CBX3: variants seen among roughly 807,000 people sequenced by gnomAD.
CBX3 encodes chromobox 3.
In CBX3, 5 loss-of-function variants were observed where a neutral mutation model predicts 22.6. That is an observed-to-expected ratio of 0.22 (90% CI 0.12 to 0.47). CBX3 has a LOEUF of 0.47. CBX3 is among the 20% of genes least tolerant of loss of function. The pLI is 0.99. For synonymous variants in CBX3, 50 were observed against 66.6 expected (o/e 0.75, Z 1.21); for missense variants, 83 against 208.1 (o/e 0.40, Z 3.70).
rs935964334 is a variant in CBX3 at position 26,212,638 on chromosome 7, T to A, written c.*430T>A. 6.6e-6 allele frequency: 1 copy of A among 152,236 alleles called. No individual in the cohort carries two copies. Among genetic ancestry groups the A allele is most frequent in the Non-Finnish European group, 1.5e-5 (1 of 68,048 alleles). The allele number at this position is 152,236 out of a possible 1,614,324, so 9.4% of individuals were successfully genotyped here. ...TATCCATAAAATGCATATGTAAATTTTTTTTTGTTTTTAAGCATTCACCCA... is the reference window on the plus strand; with the variant it reads ...TATCCATAAAATGCATATGTAAATTATTTTTTGTTTTTAAGCATTCACCCA... On this transcript the variant is annotated 3_prime_UTR_variant, in exon 6 of 6. Coordinates refer to ENST00000396386, the MANE Select transcript of CBX3 (RefSeq NM_016587.4).
Position 26,213,160 on chromosome 7 carries a change from C to T in CBX3, c.*952C>T, listed in dbSNP as rs1307643724. The T allele has an allele frequency of 6.5e-6, 1 of 152,690 alleles. No individual in the cohort carries two copies. The highest frequency in any genetic ancestry group is 1.5e-5 in the Non-Finnish European group (1 of 68,060). 9.5% of individuals were successfully genotyped at this position (152,690 alleles called of 1,614,324 possible). On this transcript the variant is annotated 3_prime_UTR_variant, in exon 6 of 6. Coordinates refer to ENST00000396386, the MANE Select transcript of CBX3 (RefSeq NM_016587.4). ...GTGTGAACAACCTTTTGTAACCTAACCTATTGACCTGCATGTTTTTTCTTT... is the reference window on the plus strand; with the variant it reads ...GTGTGAACAACCTTTTGTAACCTAATCTATTGACCTGCATGTTTTTTCTTT...
chr7:26,209,033 A>G (rs549026572), intron 4 of CBX3, among the ~76,000 whole-genome samples: 14 of 139,716 alleles, frequency 1.0e-4, no homozygotes, highest in African/African-American at 3.8e-4. Context: ...CCGCCTCCAG[A>G]GTAGCTGGGA....
At chr7:26,212,010 C>A in intron 5 of CBX3, 72 bp from the exon 6 acceptor site, 1 of 1,348,758 alleles carries the variant, frequency 7.4e-7, no homozygotes. Flanking sequence ...ACTATTATTT[C>A]TTAAATGAAT....
intron 2 of CBX3, 129 bp downstream of exon 2, chr7:26,203,151 CAG>C (rs1224087921): frequency 2.2e-5 from 16 of 711,824 alleles, no homozygotes; most frequent in Middle Eastern, 4.0e-4. Flanking sequence ...GTGTAAATTA[CAG>C]GGGAAAATTA....
rs139015469 is a variant in CBX3 at position 26,203,569 on chromosome 7, G to A, written c.24+547G>A. ...GTTTTGTTTTTTAAACAAAATGATC[G>A]AAATCGCAAATATGAGCCAGAAGGG... On this transcript the variant is annotated intron_variant, in intron 2 of 5. Coordinates refer to ENST00000396386, the MANE Select transcript of CBX3 (RefSeq NM_016587.4). Among the ~76,000 whole-genome samples the A allele has an allele frequency of 2.9e-3, 438 of 151,994 alleles. 5 individuals carry two copies. The highest frequency in any genetic ancestry group is 0.01 in the African/African-American group (427 of 41,466).
intron 5 of CBX3, 143 bp downstream of exon 5, chr7:26,211,899 C>A: frequency 1.2e-6 from 1 of 840,990 alleles, no homozygotes. Context: ...TGTTTTAAAG[C>A]AAGGGTCAGC....
rs1449465410 is a variant in CBX3, at chr7:26,202,979, C to T, written c.-20C>T. 1.9e-6 allele frequency: 3 copies of T among 1,602,184 alleles called. No individual in the cohort carries two copies. The South Asian group carries it at 3.3e-5, about 18-fold the overall frequency. On this transcript the variant is annotated 5_prime_UTR_variant, in exon 2 of 6. Coordinates refer to ENST00000396386, the MANE Select transcript of CBX3 (RefSeq NM_016587.4). ...GTCATGCATTTTTCTAGTAATAGCT[C>T]TTCAAGTCTGCAATAAAAAATGGCC... is the stretch of plus-strand genomic sequence containing the variant.
chr7:26,206,007 T>C (rs1001298676), intron 2 of CBX3: 3 of 177,244 alleles, frequency 1.7e-5, no homozygotes, highest in Non-Finnish European at 3.5e-5. Context: ...GAGAACTGCT[T>C]GAACCTGGGG....
chr7:26,201,498 A>C (rs1584026982), upstream of CBX3: 1 of 151,912 alleles, frequency 6.6e-6, no homozygotes. Context: ...GACTCCGGTC[A>C]CTGTCCTCGC....
chr7:26,206,972 C>T (rs1042784239), intron 3 of CBX3, among the ~76,000 whole-genome samples: 2 of 152,160 alleles, frequency 1.3e-5, no homozygotes, highest in Non-Finnish European at 2.9e-5. Flanking sequence ...TTTAAGCTCT[C>T]TGGTTCCTTG....
At chr7:26,208,026 C>A (rs983699330) in intron 3 of CBX3, 93 of 147,438 alleles carry the variant, frequency 6.3e-4, no homozygotes, top group Non-Finnish European at 1.3e-3. Flanking sequence ...GCCTGGCCAA[C>A]AAAATGAGAC....
chr7:26,202,456 G>A (rs570098706), intron 1 of CBX3: 7 of 152,778 alleles, frequency 4.6e-5, no homozygotes, highest in African/African-American at 1.7e-4. Flanking sequence ...GTTTGCAAGA[G>A]GTGATTCTTT....
rs1784465351 is a variant in CBX3, at chr7:26,201,794, A to AC, written c.-58dup. 3 of 242,808 alleles carry AC rather than the reference A, an allele frequency of 1.2e-5. No homozygotes were observed. Among genetic ancestry groups the AC allele is most frequent in the Non-Finnish European group, 2.5e-5 (3 of 120,020 alleles). 15.0% of individuals were successfully genotyped at this position (242,808 alleles called of 1,614,324 possible). On this transcript the variant is annotated 5_prime_UTR_variant, in exon 1 of 6. Coordinates refer to ENST00000396386, the MANE Select transcript of CBX3 (RefSeq NM_016587.4). Reference sequence around the variant, plus strand: ...GCGCGGAGGGCCGGAGACGCTGCAGACCCGCGACCCGGAGCAGCTCGGAGG... The same window carrying AC: ...GCGCGGAGGGCCGGAGACGCTGCAGACCCCGCGACCCGGAGCAGCTCGGAGG...
At chr7:26,205,927 A>C (rs1784665544) in intron 2 of CBX3, 1 of 155,884 alleles carries the variant, frequency 6.4e-6, no homozygotes. Flanking sequence ...TTCTAATAAA[A>C]ACACAAAAAA....
intron 4 of CBX3, among the ~76,000 whole-genome samples, chr7:26,209,621 A>T (rs917219455): frequency 9.9e-5 from 15 of 152,134 alleles, no homozygotes; most frequent in Middle Eastern, 3.2e-3. Context: ...GATAATAGTT[A>T]AACACTTTTC....
At chr7:26,204,414 T>G (rs960280196) in intron 2 of CBX3, among the ~76,000 whole-genome samples, 1 of 152,234 alleles carries the variant, frequency 6.6e-6, no homozygotes, top group East Asian at 1.9e-4. Context: ...TCCTACCTTC[T>G]TGTACTGTAC....
Position 26,208,378 on chromosome 7 carries a change from ATAAAC to A in CBX3, c.168-9_168-5del. On this transcript the variant is annotated splice_polypyrimidine_tract_variant and intron_variant, in intron 3 of 5. Transcript: ENST00000396386. ...AATTCAATCACCTTTTTTTTTTTTA[ATAAAC>A]TAAACACAGTGCTGACAATACTTGG... 2 of 1,512,284 alleles carry A rather than the reference ATAAAC, an allele frequency of 1.3e-6. No homozygotes were observed. Among genetic ancestry groups the A allele is most frequent in the Non-Finnish European group, 1.8e-6 (2 of 1,121,616 alleles). 93.7% of individuals were successfully genotyped at this position (1,512,284 alleles called of 1,614,324 possible).
chr7:26,204,343 A>G (rs1399998856), intron 2 of CBX3, among the ~76,000 whole-genome samples: 1 of 151,472 alleles, frequency 6.6e-6, no homozygotes, highest in Non-Finnish European at 1.5e-5. Context: ...TTTTTCATGT[A>G]GTATAGGTAT....
At chr7:26,210,727 C>G (rs925521053) in intron 4 of CBX3, 1 of 152,094 alleles carries the variant, frequency 6.6e-6, no homozygotes, top group Admixed American at 6.5e-5. Flanking sequence ...AATGACTTTT[C>G]TAAAAAAGCT....
Sources: gnomAD v4.1 joint callset for allele counts (sites outside exome capture counted in the v4.1 genomes callset) on GRCh38, gnomAD v4.1.1 for gene constraint, MANE v1.5 for transcripts, NCBI Gene and HGNC (gene_info 2026-07-23, HGNC 2026-07-21) for gene names.